The following DENND11 variants were observed in gnomAD, a reference collection of about 807,000 sequenced individuals.
DENND11 encodes DENN domain containing 11, also known as DENN domain-containing protein 11.
In DENND11, 34 loss-of-function variants were observed where a neutral mutation model predicts 49.2. That is an observed-to-expected ratio of 0.69 (90% CI 0.53 to 0.92). DENND11 has a LOEUF of 0.92. Among genes scored for constraint, DENND11 ranks in the 40% least tolerant of loss-of-function variants. The pLI is 0.00. For missense variants in DENND11, 475 were observed against 581.6 expected (o/e 0.82, Z 1.88); for synonymous variants, 238 against 230.3 (o/e 1.03, Z -0.30).
In DENND11 at chr7:141,659,983, T is replaced by A. The variant is rs1174636757; in HGVS notation, c.*2673A>T. The A allele has an allele frequency of 6.6e-6, 1 of 152,182 alleles. No individual in the cohort carries two copies. The highest frequency in any genetic ancestry group is 6.5e-5 in the Admixed American group (1 of 15,280). 9.4% of individuals were successfully genotyped at this position (152,182 alleles called of 1,614,324 possible). ...CTGCTGCCACTGTGGAATTCCCTAGTAGAGAACTGGTAGCAAAGGATCCTA... is the reference window on the plus strand; with the variant it reads ...CTGCTGCCACTGTGGAATTCCCTAGAAGAGAACTGGTAGCAAAGGATCCTA... On this transcript the variant is annotated 3_prime_UTR_variant, in exon 9 of 9. Coordinates refer to ENST00000536163, the MANE Select transcript of DENND11 (RefSeq NM_001080392.2).
chr7:141,697,307 A>G (rs985043715), intron 1 of DENND11, among the ~76,000 whole-genome samples: 1 of 152,204 alleles, frequency 6.6e-6, no homozygotes, highest in Admixed American at 6.5e-5. Flanking sequence ...TCAAGAGAAG[A>G]AACTGACTTC....
chr7:141,664,829 G>A (rs1797862531), intron 7 of DENND11, 75 bp downstream of exon 7: 2 of 1,468,794 alleles, frequency 1.4e-6, no homozygotes, highest in African/African-American at 2.8e-5. Context: ...CAGAAGACAG[G>A]CTTTGCAGAG....
chr7:141,689,254 G>A (rs565195084), intron 1 of DENND11, among the ~76,000 whole-genome samples: 11 of 152,258 alleles, frequency 7.2e-5, no homozygotes, highest in African/African-American at 1.9e-4. Context: ...CATATACACC[G>A]TAGAATACTA....
chr7:141,663,517 C>G (rs1272525684), intron 8 of DENND11: 1 of 146,626 alleles, frequency 6.8e-6, no homozygotes, highest in Non-Finnish European at 1.5e-5. Flanking sequence ...GTGCTCAAGT[C>G]TCAGATACTT....
intron 1 of DENND11, chr7:141,701,603 CAG>C (rs898017031): frequency 4.6e-6 from 1 of 216,088 alleles, no homozygotes; most frequent in Non-Finnish European, 9.1e-6. Flanking sequence ...GGCTGGGACT[CAG>C]AGGAGAGGAG....
chr7:141,685,029 A>AAAAAAATATAT (rs1305276426), intron 3 of DENND11, among the ~76,000 whole-genome samples: 3 of 91,542 alleles, frequency 3.3e-5, no homozygotes, highest in Non-Finnish European at 6.0e-5. Context: ...AAAAAAAAAA[A>AAAAAAATATAT]ATATATATAT....
intron 1 of DENND11, among the ~76,000 whole-genome samples, chr7:141,697,092 G>A (rs1798425877): frequency 6.6e-6 from 1 of 152,156 alleles, no homozygotes; most frequent in Admixed American, 6.5e-5. Flanking sequence ...GTGTGGATAA[G>A]GGGTGCAGGT....
intron 1 of DENND11, among the ~76,000 whole-genome samples, chr7:141,692,710 T>C (rs1368183087): frequency 6.7e-5 from 10 of 149,430 alleles, no homozygotes; most frequent in Non-Finnish European, 1.5e-4. Context: ...CCAGGCATGG[T>C]GGTGTGTGCC....
chr7:141,685,773 A>C, intron 2 of DENND11, 137 bp from the exon 3 acceptor site: 1 of 874,312 alleles, frequency 1.1e-6, no homozygotes, highest in Admixed American at 2.4e-5. Flanking sequence ...GGGCCAAGCC[A>C]CATGACCTCA....
At chr7:141,688,332 C>A (rs148478995) in intron 1 of DENND11, among the ~76,000 whole-genome samples, 8 of 152,218 alleles carry the variant, frequency 5.3e-5, no homozygotes, top group Non-Finnish European at 8.8e-5. Flanking sequence ...AGCCAAACAA[C>A]GCTTTCAGAT....
At chr7:141,701,156 G>C (rs1195944489) in intron 1 of DENND11, among the ~76,000 whole-genome samples, 2 of 152,060 alleles carry the variant, frequency 1.3e-5, no homozygotes. Flanking sequence ...GTTAGGCTAA[G>C]ATTATGTGGG....
At chr7:141,698,971 G>A (rs1460939337) in intron 1 of DENND11, among the ~76,000 whole-genome samples, 1 of 152,052 alleles carries the variant, frequency 6.6e-6, no homozygotes, top group Non-Finnish European at 1.5e-5. Flanking sequence ...TGTGGGGTGG[G>A]GGGAGGAAGG....
At chr7:141,676,723 C>A (rs1798064572) in intron 3 of DENND11, among the ~76,000 whole-genome samples, 1 of 152,180 alleles carries the variant, frequency 6.6e-6, no homozygotes, top group Non-Finnish European at 1.5e-5. Flanking sequence ...AGTACTGACA[C>A]AAGGCTCAGA....
At chr7:141,682,476 C>G (rs1281472468) in intron 3 of DENND11, among the ~76,000 whole-genome samples, 1 of 152,200 alleles carries the variant, frequency 6.6e-6, no homozygotes, top group Non-Finnish European at 1.5e-5. Context: ...TGATTGAGGA[C>G]TTGACAATGG....
intron 4 of DENND11, among the ~76,000 whole-genome samples, chr7:141,672,554 A>T (rs1797999639): frequency 6.6e-6 from 1 of 152,082 alleles, no homozygotes; most frequent in Non-Finnish European, 1.5e-5. Context: ...GCCAACACCC[A>T]CCTGATCTTA....
chr7:141,664,990 A>C lies in DENND11; in HGVS notation c.1017T>G (p.Asn339Lys). The C allele has an allele frequency of 6.2e-7, 1 of 1,613,742 alleles. No individual in the cohort carries two copies. The highest frequency in any genetic ancestry group is 8.5e-7 in the Non-Finnish European group (1 of 1,179,842). ...GCAGGTGGTCGTGGTGTGTCTTCACATTCTGGTTATCCACGTAGACGTCAT... is the reference window on the plus strand; with the variant it reads ...GCAGGTGGTCGTGGTGTGTCTTCACCTTCTGGTTATCCACGTAGACGTCAT... ...ELYDVYVDNQ[N>K]VKTHHDHLQP... Residue 339 changes from asparagine (N) to lysine (K), a missense_variant, in exon 7 of 9, where the codon AAT (asparagine) becomes AAG (lysine). Coordinates refer to ENST00000536163, the MANE Select transcript of DENND11 (RefSeq NM_001080392.2).
intron 5 of DENND11, 55 bp from the exon 6 acceptor site, chr7:141,665,373 CCCTCGGAG>C (rs1429439579): frequency 6.2e-7 from 1 of 1,604,764 alleles, no homozygotes; most frequent in African/African-American, 1.3e-5. Context: ...AGCCCTTCCT[CCCTCGGAG>C]CCTGCGGCTC....
Position 141,659,174 on chromosome 7 carries a change from C to T in DENND11, c.*3482G>A, listed in dbSNP as rs1418651040. On this transcript the variant is annotated 3_prime_UTR_variant, in exon 9 of 9. Coordinates refer to ENST00000536163, the MANE Select transcript of DENND11 (RefSeq NM_001080392.2). ...TTGATACATCAATGATTTCAGCTTC[C>T]CTCCCCCTAACCAGGTGGAAGCACA... is the stretch of plus-strand genomic sequence containing the variant. 2 of 152,182 alleles carry T rather than the reference C, an allele frequency of 1.3e-5. No individual in the cohort carries two copies. Among genetic ancestry groups the T allele is most frequent in the Non-Finnish European group, 2.9e-5 (2 of 68,032 alleles). The allele number at this position is 152,182 out of a possible 1,614,324, so 9.4% of individuals were successfully genotyped here.
rs927341645 is a variant in DENND11 at position 141,662,366 on chromosome 7, G to A, written c.*290C>T. 1 of 353,102 alleles carries A rather than the reference G, an allele frequency of 2.8e-6. No homozygotes were observed. Among genetic ancestry groups the A allele is most frequent in the South Asian group, 1.2e-4 (1 of 8,474 alleles). The allele number at this position is 353,102 out of a possible 1,614,324, so 21.9% of individuals were successfully genotyped here. On this transcript the variant is annotated 3_prime_UTR_variant, in exon 9 of 9. Coordinates refer to ENST00000536163, the MANE Select transcript of DENND11 (RefSeq NM_001080392.2). ...TCCATCCCAATGTTTCCAGAGCTCA[G>A]CCTACTCCTAGTGATACAACTCCCA...
Sources: gnomAD v4.1 joint callset for allele counts (sites outside exome capture counted in the v4.1 genomes callset) on GRCh38, gnomAD v4.1.1 for gene constraint, MANE v1.5 for transcripts, NCBI Gene and HGNC (gene_info 2026-07-23, HGNC 2026-07-21) for gene names.